Variants in CDH12 observed in about 807,000 individuals in gnomAD.
CDH12 encodes cadherin 12, also known as cadherin-12.
A neutral mutation model predicts 74.1 loss-of-function variants in CDH12; 41 were observed. That is an observed-to-expected ratio of 0.55 (90% CI 0.43 to 0.72). The LOEUF (loss-of-function observed/expected upper bound fraction) is 0.72, where lower values mean the gene tolerates loss of function less well. CDH12 is among the 30% of genes least tolerant of loss of function. The pLI is 0.00. For missense variants in CDH12, 945 were observed against 977.2 expected (o/e 0.97, Z 0.44); for synonymous variants, 399 against 355.0 (o/e 1.12, Z -1.39).
At chr5:22,260,599 G>T (rs949448116) in intron 3 of CDH12, among the ~76,000 whole-genome samples, 3 of 151,994 alleles carry the variant, frequency 2.0e-5, no homozygotes, top group African/African-American at 7.2e-5. Flanking sequence ...CTTTAGTAGT[G>T]TTGGTGGAAC....
chr5:22,776,305 T>A (rs1390930032), intron 1 of CDH12, among the ~76,000 whole-genome samples: 3 of 152,176 alleles, frequency 2.0e-5, no homozygotes, highest in Non-Finnish European at 4.4e-5. Context: ...ATCACTTATG[T>A]TATTTAATAA....
intron 1 of CDH12, among the ~76,000 whole-genome samples, chr5:22,810,795 A>T (rs2126446682): frequency 6.6e-6 from 1 of 152,188 alleles, no homozygotes; most frequent in South Asian, 2.1e-4. Context: ...GAAGCAGAGG[A>T]TCACTTGAGC....
intron 1 of CDH12, among the ~76,000 whole-genome samples, chr5:22,626,306 A>T (rs2126849490): frequency 6.6e-6 from 1 of 152,256 alleles, no homozygotes; most frequent in East Asian, 1.9e-4. Flanking sequence ...TTCCACTGCC[A>T]CCACCCCTAC....
At chr5:22,084,227 G>C (rs1335238345) in intron 4 of CDH12, among the ~76,000 whole-genome samples, 1 of 152,110 alleles carries the variant, frequency 6.6e-6, no homozygotes. Flanking sequence ...ACTGTTCCAG[G>C]GAGCTCTTCC....
intron 1 of CDH12, among the ~76,000 whole-genome samples, chr5:22,509,990 T>G (rs1487395625): frequency 6.6e-6 from 1 of 151,510 alleles, no homozygotes; most frequent in Non-Finnish European, 1.5e-5. Flanking sequence ...CGTAAGACCC[T>G]AGATTCCATA....
intron 1 of CDH12, among the ~76,000 whole-genome samples, chr5:22,664,559 G>C (rs1379687374): frequency 6.6e-6 from 1 of 152,160 alleles, no homozygotes; most frequent in African/African-American, 2.4e-5. Flanking sequence ...TGCAATTCAA[G>C]GTGAGCTTTG....
At chr5:21,966,816 G>A (rs1171308023) in intron 6 of CDH12, among the ~76,000 whole-genome samples, 2 of 151,886 alleles carry the variant, frequency 1.3e-5, no homozygotes, top group Non-Finnish European at 2.9e-5. Context: ...AAAATGAAAA[G>A]ATTTCCTGCT....
chr5:21,980,163 T>A (rs1362420657), intron 5 of CDH12, among the ~76,000 whole-genome samples: 1 of 149,510 alleles, frequency 6.7e-6, no homozygotes, highest in Non-Finnish European at 1.5e-5. Context: ...AAAAAAAACA[T>A]ACATACATAT....
chr5:21,990,096 G>T (rs991370442), intron 5 of CDH12, among the ~76,000 whole-genome samples: 11 of 152,038 alleles, frequency 7.2e-5, no homozygotes, highest in African/African-American at 2.4e-4. Flanking sequence ...AACTTTAGAG[G>T]TCGAAGTTTT....
intron 6 of CDH12, among the ~76,000 whole-genome samples, chr5:21,900,951 A>G (rs1259218272): frequency 6.6e-6 from 1 of 152,224 alleles, no homozygotes; most frequent in African/African-American, 2.4e-5. Flanking sequence ...AGTCCAGGCT[A>G]TTCTTTCTCA....
intron 1 of CDH12, among the ~76,000 whole-genome samples, chr5:22,680,269 T>C (rs1741425526): frequency 3.3e-5 from 5 of 152,110 alleles, no homozygotes; most frequent in Admixed American, 1.3e-4. Context: ...AATGGTCATA[T>C]TAAATATCTC....
intron 1 of CDH12, among the ~76,000 whole-genome samples, chr5:22,720,055 C>T (rs1743797302): frequency 6.6e-6 from 1 of 151,738 alleles, no homozygotes; most frequent in Admixed American, 6.6e-5. Context: ...CACACACACA[C>T]ACACAGAAGA....
intron 5 of CDH12, among the ~76,000 whole-genome samples, chr5:22,013,621 T>C (rs1272335707): frequency 6.6e-6 from 1 of 152,190 alleles, no homozygotes; most frequent in Non-Finnish European, 1.5e-5. Flanking sequence ...TCTCAGCTCA[T>C]ACTGGCTGTG....
intron 2 of CDH12, among the ~76,000 whole-genome samples, chr5:22,458,459 GAC>G: frequency 6.6e-6 from 1 of 152,208 alleles, no homozygotes; most frequent in Non-Finnish European, 1.5e-5. Flanking sequence ...CTTTTTTGGA[GAC>G]ACAGTTCAAC....
At chr5:22,008,080 G>A (rs1472945725) in intron 5 of CDH12, among the ~76,000 whole-genome samples, 6 of 151,754 alleles carry the variant, frequency 4.0e-5, no homozygotes, top group South Asian at 2.1e-4. Flanking sequence ...TGCTTTCCTC[G>A]CTGCTGTTAT....
At chr5:22,613,446 C>T (rs544940514) in intron 1 of CDH12, among the ~76,000 whole-genome samples, 26 of 152,054 alleles carry the variant, frequency 1.7e-4, no homozygotes, top group African/African-American at 5.8e-4. Context: ...TGCAGGCTTT[C>T]GGAGCTACAT....
At chr5:22,616,931 C>A (rs1320746878) in intron 1 of CDH12, among the ~76,000 whole-genome samples, 1 of 151,926 alleles carries the variant, frequency 6.6e-6, no homozygotes, top group Non-Finnish European at 1.5e-5. Context: ...GTGGTGTGAT[C>A]ACAGCTCACT....
chr5:22,806,515 G>A (rs1278718705), intron 1 of CDH12, among the ~76,000 whole-genome samples: 2 of 151,912 alleles, frequency 1.3e-5, no homozygotes, highest in African/African-American at 4.8e-5. Context: ...ATCACGCCCG[G>A]CTAATGTTTT....
chr5:22,631,989 T>G (rs1447641190), intron 1 of CDH12, among the ~76,000 whole-genome samples: 2 of 152,118 alleles, frequency 1.3e-5, no homozygotes, highest in African/African-American at 4.8e-5. Flanking sequence ...CAATTTGACA[T>G]GTGATCTAGG....
Sources: allele counts gnomAD v4.1 joint callset (sites outside exome capture counted in the v4.1 genomes callset), GRCh38; gene constraint gnomAD v4.1.1; transcripts MANE v1.5; gene names NCBI Gene and HGNC (gene_info 2026-07-23, HGNC 2026-07-21).